Variants in RPGR observed in about 807,000 individuals in gnomAD.
The protein encoded by RPGR is X-linked retinitis pigmentosa GTPase regulator.
In RPGR, 10 loss-of-function variants were observed where a neutral mutation model predicts 56.3. The observed-to-expected ratio is 0.18, with a 90% confidence interval of 0.11 to 0.30. The LOEUF is 0.30. RPGR is among the 10% of genes least tolerant of loss of function. RPGR has a pLI of 1.00. For missense variants in RPGR, 538 were observed against 590.9 expected, an observed-to-expected ratio of 0.91 and a Z score of 0.93; for synonymous variants, 197 against 212.9, an observed-to-expected ratio of 0.93 and a Z score of 0.65.
At chrX:38,317,522 G>C in intron 5 of RPGR, 57 bp from the exon 6 acceptor site, 1 of 1,008,503 alleles carries the variant, frequency 9.9e-7, no homozygotes, top group Non-Finnish European at 1.4e-6. Context: ...AGGCTCTGAA[G>C]CTATTATACT....
intron 13 of RPGR, among the ~76,000 whole-genome samples, chrX:38,288,278 C>A (rs1395163764): frequency 8.9e-6 from 1 of 111,893 alleles, no homozygotes; most frequent in Admixed American, 9.5e-5. Context: ...GTTTAATTTT[C>A]GATTCTTACT....
chrX:38,301,484 C>A, intron 8 of RPGR, 113 bp from the exon 9 acceptor site: 1 of 718,113 alleles, frequency 1.4e-6, no homozygotes, highest in Non-Finnish European at 2.1e-6. Flanking sequence ...CCCTCAAATT[C>A]TGCCTTGAAT....
At chrX:38,316,594 A>T (rs1363392116) in intron 6 of RPGR, among the ~76,000 whole-genome samples, 5 of 111,786 alleles carry the variant, frequency 4.5e-5, no homozygotes, top group African/African-American at 6.5e-5. Flanking sequence ...AATGCAATCA[A>T]TTCATCATTT....
chrX:38,299,918 G>A (rs2067471248), intron 9 of RPGR, among the ~76,000 whole-genome samples: 1 of 110,588 alleles, frequency 9.0e-6, no homozygotes, highest in Non-Finnish European at 1.9e-5. Flanking sequence ...TGGTTATTTC[G>A]TTCATCACTG....
At chrX:38,291,141 A>G (rs1017315039) in intron 12 of RPGR, 117 bp from the exon 13 acceptor site, 5 of 173,776 alleles carry the variant, frequency 2.9e-5, no homozygotes, top group Non-Finnish European at 5.2e-5. Flanking sequence ...ATATATATAT[A>G]TATATAAAAT....
intron 4 of RPGR, among the ~76,000 whole-genome samples, chrX:38,320,047 G>A (rs2067902802): frequency 8.9e-6 from 1 of 111,952 alleles, no homozygotes; most frequent in African/African-American, 3.2e-5. Context: ...CACACACATG[G>A]AGCAAACCAG....
intron 1 of RPGR, 106 bp downstream of exon 1, chrX:38,327,234 G>T: frequency 1.2e-6 from 1 of 838,173 alleles, no homozygotes; most frequent in Non-Finnish European, 1.6e-6. Flanking sequence ...CAGTCCGGCT[G>T]CCAAGCCTGG....
intron 15 of RPGR, chrX:38,279,224 A>G (rs2066987262): frequency 6.1e-6 from 2 of 330,399 alleles, no homozygotes; most frequent in South Asian, 2.6e-5. Flanking sequence ...TTATAAAAAG[A>G]AAGAGTAAAG....
chrX:38,311,894 T>C (rs759845606), intron 6 of RPGR, among the ~76,000 whole-genome samples: 1 of 112,037 alleles, frequency 8.9e-6, no homozygotes, highest in South Asian at 3.7e-4. Context: ...ACATGCCCTG[T>C]GTGGTTTCCT....
At position 38,297,407 on chromosome X, in the gene RPGR, T is replaced by C. The variant is rs62635003; in HGVS notation, c.1291A>G (p.Ile431Val). 0.04 allele frequency: 47,808 copies of C among 1,206,088 alleles called. 1,621 individuals carry two copies. Among genetic ancestry groups the C allele is most frequent in the Admixed American group, 0.18 (8,191 of 45,290 alleles). Residue 431 changes from isoleucine to valine, a missense_variant, in exon 11 of 19, where the codon ATA becomes GTA. This residue lies in a region of RPGR where 357 missense variants were observed against 325.8 expected (regional missense o/e 1.10). Coordinates refer to ENST00000642395, the MANE Select transcript of RPGR (RefSeq NM_000328.3). Reference sequence around the variant, plus strand: ...GCAGAAAGGCCAAGAGTCCCTTCTATTGGAGGTAGTGTTCTCCTCATTGAA... The same window carrying C: ...GCAGAAAGGCCAAGAGTCCCTTCTACTGGAGGTAGTGTTCTCCTCATTGAA...
intron 18 of RPGR, among the ~76,000 whole-genome samples, chrX:38,270,572 A>C (rs377385849): frequency 9.6e-5 from 10 of 104,192 alleles, no homozygotes; most frequent in African/African-American, 3.2e-4. Flanking sequence ...GCAGTGAGCC[A>C]AGATCGCGCC....
Position 38,280,206 on chromosome X carries a change from A to G in RPGR, c.1906-3434T>C, listed in dbSNP as rs554206464. On this transcript the variant is annotated intron_variant, in intron 15 of 18. Transcript: ENST00000642395. ...ATGAGCATATACTATATATTTGTATATAAGTATAAATAATTTTGTAGAGGC... is the reference window on the plus strand; with the variant it reads ...ATGAGCATATACTATATATTTGTATGTAAGTATAAATAATTTTGTAGAGGC... Among the ~76,000 whole-genome samples the G allele has an allele frequency of 9.2e-4, 103 of 112,116 alleles. 2 individuals are homozygous for G. The South Asian group carries it at 0.038, about 41-fold the overall frequency.
At chrX:38,303,531 A>G (rs2067541350) in intron 8 of RPGR, 2 of 249,249 alleles carry the variant, frequency 8.0e-6, no homozygotes. Context: ...TTGATGAAAA[A>G]TGACAGTAAG....
intron 15 of RPGR, chrX:38,285,044 T>C (rs771001409): frequency 3.5e-5 from 26 of 738,078 alleles, no homozygotes; most frequent in East Asian, 3.0e-4. Flanking sequence ...AATGCCTCAA[T>C]TGAGTTTTAG....
Position 38,318,884 on chromosome X carries a change from G to C in RPGR, c.414C>G (p.Ser138=), listed in dbSNP as rs376887697. 1 of 1,211,275 alleles carries C rather than the reference G, an allele frequency of 8.3e-7. No homozygotes were observed. The highest frequency in any genetic ancestry group is 1.1e-6 in the Non-Finnish European group (1 of 895,118). The stretch of plus-strand genomic sequence containing the variant: ...CAGACAGCTGCTTAATCTTATGCTC[G>C]GATGTAAAAAAGCTAATTACATGAA... Residue 138 remains serine, a synonymous_variant, in exon 5 of 19, where the codon TCC becomes TCG. Coordinates refer to ENST00000642395, the MANE Select transcript of RPGR (RefSeq NM_000328.3).
chrX:38,274,043 A>G (rs2066886651), intron 17 of RPGR: 1 of 112,612 alleles, frequency 8.9e-6, no homozygotes, highest in African/African-American at 3.2e-5. Context: ...CTTATGGCAG[A>G]AGTTAAAAGG....
At chrX:38,308,595 A>G (rs2067649295) in intron 7 of RPGR, among the ~76,000 whole-genome samples, 1 of 111,863 alleles carries the variant, frequency 8.9e-6, no homozygotes, top group Non-Finnish European at 1.9e-5. Context: ...CTTTGTATAA[A>G]CTAGAGAAAA....
At chrX:38,278,026 TAA>T (rs377426948) in intron 15 of RPGR, among the ~76,000 whole-genome samples, 4 of 111,626 alleles carry the variant, frequency 3.6e-5, no homozygotes, top group African/African-American at 1.3e-4. Context: ...TTTGAGATTT[TAA>T]AAAGAGTTTC....
rs1181795252 is a variant in RPGR at position 38,269,734 on chromosome X, A to G, written c.2340T>C (p.Ile780=). 8.3e-7 allele frequency: 1 copy of G among 1,206,246 alleles called. No individual in the cohort carries two copies. The highest frequency in any genetic ancestry group is 1.8e-5 in the African/African-American group (1 of 56,970). ...CGGCATCTTTATTATCACTTTTTAA[A>G]ATGATCTGGTCTCCTATGGATTTTA... The change falls in exon 19 of 19, where the codon ATT becomes ATC. Residue 780 remains isoleucine, a synonymous_variant. Coordinates refer to ENST00000642395, the MANE Select transcript of RPGR (RefSeq NM_000328.3).
Sources: gnomAD v4.1 joint callset for allele counts (sites outside exome capture counted in the v4.1 genomes callset) on GRCh38, gnomAD v4.1.1 for gene constraint, gnomAD v4.1.1 regional missense constraint, MANE v1.5 for transcripts, NCBI Gene and HGNC (gene_info 2026-07-23, HGNC 2026-07-21) for gene names.